Variants in DMD observed in about 807,000 individuals in gnomAD.
DMD encodes the protein mutant dystrophin.
In DMD, 63 loss-of-function variants were observed where a neutral mutation model predicts 330.1. The observed-to-expected ratio is 0.19, with a 90% CI of 0.16 to 0.24. DMD has a LOEUF of 0.24. DMD is among the 10% of genes least tolerant of loss of function. DMD has a pLI of 1.00. For synonymous variants in DMD, 1,223 were observed against 959.8 expected (o/e 1.27, Z -5.07); for missense variants, 3,344 against 2,684.1 (o/e 1.25, Z -5.43).
intron 54 of DMD, among the ~76,000 whole-genome samples, chrX:31,630,973 G>C (rs769893171): frequency 9.0e-6 from 1 of 111,628 alleles, no homozygotes; most frequent in South Asian, 3.8e-4. Context: ...ATTTCAAAAG[G>C]TTTTCATTCT....
At chrX:32,503,950 T>G (rs1166313119) in intron 18 of DMD, among the ~76,000 whole-genome samples, 1 of 111,733 alleles carries the variant, frequency 8.9e-6, no homozygotes, top group Non-Finnish European at 1.9e-5. Context: ...AAAACTGCAG[T>G]AATCAAGACA....
At chrX:32,114,226 T>C (rs2096600792) in intron 44 of DMD, among the ~76,000 whole-genome samples, 1 of 111,873 alleles carries the variant, frequency 8.9e-6, no homozygotes, top group Non-Finnish European at 1.9e-5. Flanking sequence ...ACTTAATTGT[T>C]CAACCTTGGG....
chrX:32,779,538 T>G (rs898440329), intron 7 of DMD, among the ~76,000 whole-genome samples: 1 of 109,937 alleles, frequency 9.1e-6, no homozygotes, highest in Non-Finnish European at 1.9e-5. Context: ...CCCCTTCCTG[T>G]GTCCATGTGT....
At chrX:31,209,408 G>A (rs1001969041) in intron 65 of DMD, 90 bp downstream of exon 65, 1 of 893,139 alleles carries the variant, frequency 1.1e-6, no homozygotes, top group South Asian at 2.0e-5. Context: ...CAGCTTCCAG[G>A]GCCCTGTTGT....
intron 55 of DMD, among the ~76,000 whole-genome samples, chrX:31,570,388 C>G (rs891576097): frequency 1.3e-4 from 14 of 111,228 alleles, no homozygotes; most frequent in African/African-American, 4.6e-4. Context: ...TGCCTGGTTT[C>G]TTCTCCATTG....
At chrX:32,600,715 T>C (rs916827178) in intron 12 of DMD, among the ~76,000 whole-genome samples, 1 of 110,407 alleles carries the variant, frequency 9.1e-6, no homozygotes, top group Non-Finnish European at 1.9e-5. Flanking sequence ...AATTAATATA[T>C]TTAGATGTTT....
At chrX:31,204,369 C>A (rs767636414) in intron 66 of DMD, among the ~76,000 whole-genome samples, 15 of 112,818 alleles carry the variant, frequency 1.3e-4, no homozygotes, top group Admixed American at 1.0e-3. Flanking sequence ...CAAGCTTACA[C>A]GTACCCTCGA....
chrX:32,518,810 C>A (rs750283525), intron 17 of DMD, among the ~76,000 whole-genome samples: 3 of 110,031 alleles, frequency 2.7e-5, no homozygotes, highest in Non-Finnish European at 5.7e-5. Context: ...CATCTCAATG[C>A]CAGCTGAAGA....
intron 1 of DMD, among the ~76,000 whole-genome samples, chrX:33,290,772 T>A (rs2053499727): frequency 9.0e-6 from 1 of 111,493 alleles, no homozygotes; most frequent in South Asian, 3.7e-4. Flanking sequence ...CAAAATAAGC[T>A]GCCAGAAAGT....
intron 7 of DMD, among the ~76,000 whole-genome samples, chrX:32,701,913 T>C (rs1438441812): frequency 8.9e-6 from 1 of 111,950 alleles, no homozygotes; most frequent in African/African-American, 3.2e-5. Flanking sequence ...TTACAATAAA[T>C]ATGCACTTAT....
chrX:31,384,865 C>T (rs1338745640), intron 60 of DMD, among the ~76,000 whole-genome samples: 1 of 112,062 alleles, frequency 8.9e-6, no homozygotes, highest in African/African-American at 3.2e-5. Flanking sequence ...ACCTGTGAGG[C>T]AAAAAGAACA....
intron 44 of DMD, among the ~76,000 whole-genome samples, chrX:32,024,293 T>C (rs971529057): frequency 2.0e-4 from 22 of 109,599 alleles, no homozygotes; most frequent in Non-Finnish European, 5.7e-5. Flanking sequence ...GAGACCAGCC[T>C]GGTCAACATG....
intron 67 of DMD, among the ~76,000 whole-genome samples, chrX:31,191,439 C>G (rs1399321933): frequency 9.0e-6 from 1 of 111,577 alleles, no homozygotes; most frequent in Non-Finnish European, 1.9e-5. Flanking sequence ...CAAATCTCAT[C>G]TTGAATTATA....
chrX:33,324,156 C>A (rs1195539300), intron 1 of DMD, among the ~76,000 whole-genome samples: 3 of 111,375 alleles, frequency 2.7e-5, no homozygotes. Context: ...AGACCCTGAG[C>A]AAATTATTTG....
At chrX:31,925,431 G>C (rs1169329778) in intron 47 of DMD, among the ~76,000 whole-genome samples, 11 of 111,102 alleles carry the variant, frequency 9.9e-5, no homozygotes, top group African/African-American at 3.6e-4. Flanking sequence ...TATACAAAGA[G>C]CAATGAAGAA....
rs140913376 is a variant in DMD, at chrX:32,307,047, A to G, written c.6117+3035T>C. Among the ~76,000 whole-genome samples, 52 of 111,268 alleles carry G rather than the reference A, an allele frequency of 4.7e-4. No homozygotes were observed. In the East Asian group the frequency reaches 0.015, roughly 31 times the overall value. Reference sequence around the variant, plus strand: ...GAATTCCACTCCAAAGGCATGAACTATTTCTAAGAATTTCTCTACGTAAAT... The same window carrying G: ...GAATTCCACTCCAAAGGCATGAACTGTTTCTAAGAATTTCTCTACGTAAAT... On this transcript the variant is annotated intron_variant, in intron 42 of 78. Transcript: ENST00000357033.
chrX:31,553,953 C>A (rs2074648513), intron 55 of DMD, among the ~76,000 whole-genome samples: 1 of 112,345 alleles, frequency 8.9e-6, no homozygotes, highest in African/African-American at 3.2e-5. Context: ...TTACATATGT[C>A]CTTTTGATTT....
chrX:31,742,545 C>A (rs992707592), intron 51 of DMD, among the ~76,000 whole-genome samples: 1 of 111,478 alleles, frequency 9.0e-6, no homozygotes, highest in Non-Finnish European at 1.9e-5. Flanking sequence ...CCAGAACACA[C>A]AAAACATTGA....
Position 32,747,742 on chromosome X carries a change from G to C in DMD, c.650-48449C>G, listed in dbSNP as rs139956728. ...GATCTGCCTGCCTTGGCCTCCCAAA[G>C]TGCTGGGACTACAGGTGTGAGCCAA... On this transcript the variant is annotated intron_variant, in intron 7 of 78. Transcript: ENST00000357033. Among the ~76,000 whole-genome samples, 614 of 110,659 alleles carry C rather than the reference G, an allele frequency of 5.5e-3. 3 individuals carry two copies. The highest frequency in any genetic ancestry group is 0.014 in the Middle Eastern group (3 of 214).
Sources: gnomAD v4.1 joint callset for allele counts (sites outside exome capture counted in the v4.1 genomes callset) on GRCh38, gnomAD v4.1.1 for gene constraint, MANE v1.5 for transcripts, NCBI Gene and HGNC (gene_info 2026-07-23, HGNC 2026-07-21) for gene names.